Variants in WWOX observed in about 807,000 individuals in gnomAD.
WWOX encodes the protein WW domain containing oxidoreductase.
Under a neutral mutation model 46.2 loss-of-function variants are expected in WWOX, and 69 were observed. That is an observed-to-expected ratio of 1.49 (90% confidence interval 1.23 to 1.82). The LOEUF is 1.82. Ranked by LOEUF, WWOX falls within the 40% of genes most tolerant of loss-of-function variation. The probability of loss-of-function intolerance (pLI) is 0.00; values close to 1 mark genes in which losing one functional copy is unlikely to be tolerated. For synonymous variants in WWOX, 359 were observed against 202.6 expected, an observed-to-expected ratio of 1.77 and a Z score of -6.56; for missense variants, 919 against 542.6, an observed-to-expected ratio of 1.69 and a Z score of -6.89.
intron 6 of WWOX, 57 bp from the exon 7 acceptor site, chr16:78,424,813 G>T: frequency 1.3e-6 from 2 of 1,598,462 alleles, no homozygotes; most frequent in Non-Finnish European, 1.7e-6. Context: ...AAGGAGCATG[G>T]ATTATCCTTG....
At chr16:79,116,997 CA>C (rs1414533626) in intron 8 of WWOX, among the ~76,000 whole-genome samples, 1 of 152,066 alleles carries the variant, frequency 6.6e-6, no homozygotes, top group African/African-American at 2.4e-5. Flanking sequence ...TGTACATCTC[CA>C]TCAGAGCTCT....
chr16:78,389,414 G>C (rs1294232813), intron 6 of WWOX, among the ~76,000 whole-genome samples: 1 of 152,172 alleles, frequency 6.6e-6, no homozygotes. Flanking sequence ...CACCTCAGTT[G>C]TCAGCTATTA....
At position 78,946,790 on chromosome 16, in the gene WWOX, G is replaced by C. The variant is rs115660615; in HGVS notation, c.1057-264818G>C. Among the ~76,000 whole-genome samples the C allele has an allele frequency of 3.7e-3, 560 of 152,210 alleles. 6 individuals carry two copies. Among genetic ancestry groups the C allele is most frequent in the African/African-American group, 0.013 (537 of 41,530 alleles). ...GGCAGTGAGCCCCCGGGGGAGCTCA[G>C]TGCAAGACAAGATTCTGGCGTAAGA... On this transcript the variant is annotated intron_variant, in intron 8 of 8. Coordinates refer to ENST00000566780, the MANE Select transcript of WWOX (RefSeq NM_016373.4).
intron 5 of WWOX, among the ~76,000 whole-genome samples, chr16:78,203,073 C>T (rs1255925110): frequency 1.3e-5 from 2 of 152,210 alleles, no homozygotes; most frequent in African/African-American, 4.8e-5. Flanking sequence ...CATCCTGCCT[C>T]AGCCTATCCT....
chr16:78,480,262 C>T (rs1246659754), intron 8 of WWOX, among the ~76,000 whole-genome samples: 1 of 152,340 alleles, frequency 6.6e-6, no homozygotes, highest in African/African-American at 2.4e-5. Context: ...TAGAACATTT[C>T]TACCATAGTA....
intron 8 of WWOX, among the ~76,000 whole-genome samples, chr16:78,592,856 G>A (rs1166000577): frequency 2.6e-5 from 4 of 152,062 alleles, no homozygotes; most frequent in Non-Finnish European, 5.9e-5. Context: ...ATGATAACTC[G>A]CTGCCCAGAA....
intron 8 of WWOX, chr16:79,101,035 C>G (rs1039434800): frequency 1.3e-5 from 2 of 152,988 alleles, no homozygotes; most frequent in Non-Finnish European, 2.9e-5. Flanking sequence ...AACCCAGGAC[C>G]CAGGACCCAG....
intron 4 of WWOX, among the ~76,000 whole-genome samples, chr16:78,119,499 C>T (rs181174239): frequency 2.4e-4 from 36 of 152,262 alleles, no homozygotes; most frequent in African/African-American, 7.7e-4. Flanking sequence ...GTGGGACCAC[C>T]TACTCTGTTC....
intron 8 of WWOX, among the ~76,000 whole-genome samples, chr16:78,494,970 T>C (rs935492129): frequency 1.9e-4 from 29 of 152,184 alleles, no homozygotes; most frequent in African/African-American, 6.8e-4. Context: ...ATCAGATGAG[T>C]GGAGGTTTCT....
chr16:78,788,746 A>G (rs2050519548), intron 8 of WWOX, among the ~76,000 whole-genome samples: 1 of 152,158 alleles, frequency 6.6e-6, no homozygotes. Context: ...GGTTATGGGA[A>G]CTTCCACCTG....
At chr16:78,484,592 A>G (rs546397882) in intron 8 of WWOX, among the ~76,000 whole-genome samples, 1 of 152,342 alleles carries the variant, frequency 6.6e-6, no homozygotes, top group African/African-American at 2.4e-5. Flanking sequence ...GTTTTACGTT[A>G]CAATTTAATA....
chr16:78,417,238 A>C (rs541263275), intron 6 of WWOX, among the ~76,000 whole-genome samples: 1 of 151,284 alleles, frequency 6.6e-6, no homozygotes, highest in East Asian at 2.0e-4. Flanking sequence ...GGCTATTTTT[A>C]TTTTTTTCTT....
rs2044476612 is a variant in WWOX at position 78,887,080 on chromosome 16, GTGTGTGTGTGTGTGT to G, written c.1057-324527_1057-324513del. On this transcript the variant is annotated intron_variant, in intron 8 of 8. Transcript: ENST00000566780. ...CTGGCTATATGTGTGTGTGTGTGGT[GTGTGTGTGTGTGTGT>G]GTGTGTGTGTGTGTGTGTGTGTGTG... Among the ~76,000 whole-genome samples the G allele has an allele frequency of 2.4e-3, 298 of 122,552 alleles. 7 individuals carry two copies. The highest frequency in any genetic ancestry group is 0.014 in the South Asian group (57 of 4,010). The allele number at this position is 122,552 out of a possible 152,430, so 80.4% of individuals were successfully genotyped here. A position where few individuals can be genotyped will look rare whatever the true frequency, so the allele number is the denominator to read the frequency against.
chr16:79,005,193 C>A (rs2047167251), intron 8 of WWOX, among the ~76,000 whole-genome samples: 1 of 152,092 alleles, frequency 6.6e-6, no homozygotes, highest in Non-Finnish European at 1.5e-5. Flanking sequence ...TGATGTTTGC[C>A]TGTGGACCTC....
intron 8 of WWOX, among the ~76,000 whole-genome samples, chr16:78,578,721 T>TA (rs1355204432): frequency 6.6e-6 from 1 of 152,144 alleles, no homozygotes; most frequent in Non-Finnish European, 1.5e-5. Flanking sequence ...AAAAGATCAA[T>TA]ATGATGCATC....
intron 8 of WWOX, among the ~76,000 whole-genome samples, chr16:78,929,657 A>C (rs1163988248): frequency 6.6e-6 from 1 of 152,158 alleles, no homozygotes; most frequent in Non-Finnish European, 1.5e-5. Context: ...ATGGCGACTA[A>C]AGACCCGCGT....
intron 8 of WWOX, among the ~76,000 whole-genome samples, chr16:78,850,672 T>C (rs1186963331): frequency 6.6e-6 from 1 of 152,194 alleles, no homozygotes; most frequent in East Asian, 1.9e-4. Context: ...ACGAGCCTCA[T>C]CCAGGACCTA....
chr16:79,028,182 C>G (rs1293346654), intron 8 of WWOX, among the ~76,000 whole-genome samples: 2 of 151,716 alleles, frequency 1.3e-5, no homozygotes, highest in South Asian at 2.1e-4. Flanking sequence ...ATCTCCTGAC[C>G]TCATGATCCA....
intron 8 of WWOX, among the ~76,000 whole-genome samples, chr16:79,012,584 A>G (rs1284645506): frequency 6.6e-6 from 1 of 152,210 alleles, no homozygotes; most frequent in Non-Finnish European, 1.5e-5. Flanking sequence ...GAAGATCCAC[A>G]TATGGCTGAG....
Sources: allele counts gnomAD v4.1 joint callset (sites outside exome capture counted in the v4.1 genomes callset), GRCh38; gene constraint gnomAD v4.1.1; transcripts MANE v1.5; gene names NCBI Gene and HGNC (gene_info 2026-07-23, HGNC 2026-07-21).